The following JAZF1 variants were observed in gnomAD, a reference collection of about 807,000 sequenced individuals.
The protein encoded by JAZF1 is JAZF zinc finger 1.
JAZF1 carries 8 observed loss-of-function variants against 26.4 expected under a neutral mutation model. The observed-to-expected ratio is 0.30, with a 90% CI of 0.18 to 0.55. The LOEUF (loss-of-function observed/expected upper bound fraction) is 0.55, where lower values mean the gene tolerates loss of function less well. Among genes scored for constraint, JAZF1 ranks in the 20% least tolerant of loss-of-function variants. The pLI is 0.94. For synonymous variants in JAZF1, 126 were observed against 122.3 expected (o/e 1.03, Z -0.20); for missense variants, 199 against 322.0 (o/e 0.62, Z 2.92).
chr7:27,996,975 C>T (rs111760715), intron 1 of JAZF1, among the ~76,000 whole-genome samples: 1 of 152,112 alleles, frequency 6.6e-6, no homozygotes, highest in Non-Finnish European at 1.5e-5. Flanking sequence ...CAAAGCCCCA[C>T]TAAAATAGAA....
chr7:28,054,958 G>C (rs1783678960), intron 1 of JAZF1, among the ~76,000 whole-genome samples: 1 of 152,070 alleles, frequency 6.6e-6, no homozygotes, highest in Non-Finnish European at 1.5e-5. Flanking sequence ...TCTCAATATA[G>C]GTGCTGGCAA....
At chr7:27,902,642 G>A (rs1188534210) in intron 2 of JAZF1, among the ~76,000 whole-genome samples, 7 of 152,170 alleles carry the variant, frequency 4.6e-5, no homozygotes, top group African/African-American at 1.7e-4. Flanking sequence ...TGAGGATTAA[G>A]TAAGTTAATA....
At chr7:28,031,734 G>T (rs938531271) in intron 1 of JAZF1, among the ~76,000 whole-genome samples, 2 of 152,140 alleles carry the variant, frequency 1.3e-5, no homozygotes, top group Non-Finnish European at 2.9e-5. Flanking sequence ...CAGTCATGGG[G>T]GTTGGGGGAA....
At chr7:27,923,525 T>A (rs1026026563) in intron 2 of JAZF1, among the ~76,000 whole-genome samples, 1 of 152,202 alleles carries the variant, frequency 6.6e-6, no homozygotes, top group East Asian at 1.9e-4. Flanking sequence ...TATCTCCTAC[T>A]GGGAGGCTGT....
At chr7:27,891,644 T>G (rs554863875) in intron 3 of JAZF1, among the ~76,000 whole-genome samples, 35 of 152,010 alleles carry the variant, frequency 2.3e-4, no homozygotes, top group African/African-American at 8.2e-4. Flanking sequence ...CTGGGCAACA[T>G]AGCAAGACCT....
chr7:27,848,331 ATTTC>A (rs1223713437), intron 3 of JAZF1, among the ~76,000 whole-genome samples: 3 of 151,172 alleles, frequency 2.0e-5, no homozygotes, highest in Non-Finnish European at 1.5e-5. Flanking sequence ...TGTTGTCTTG[ATTTC>A]TTTTTCAGCT....
At chr7:28,019,272 T>A (rs138362053) in intron 1 of JAZF1, among the ~76,000 whole-genome samples, 1 of 152,282 alleles carries the variant, frequency 6.6e-6, no homozygotes, top group East Asian at 1.9e-4. Flanking sequence ...CCTGCCTTGC[T>A]TCCACCTGTC....
At chr7:27,956,312 G>A (rs1162832439) in intron 2 of JAZF1, among the ~76,000 whole-genome samples, 1 of 152,044 alleles carries the variant, frequency 6.6e-6, no homozygotes, top group East Asian at 1.9e-4. Context: ...TAAAACTGAG[G>A]GTCCGGACCT....
At chr7:27,857,503 G>T (rs1046183280) in intron 3 of JAZF1, among the ~76,000 whole-genome samples, 7 of 152,250 alleles carry the variant, frequency 4.6e-5, no homozygotes, top group Admixed American at 3.9e-4. Flanking sequence ...GCCAGAGTGG[G>T]CGCCAAGGCT....
chr7:28,147,005 C>T (rs949624142), intron 1 of JAZF1, among the ~76,000 whole-genome samples: 13 of 151,740 alleles, frequency 8.6e-5, no homozygotes, highest in Admixed American at 2.0e-4. Flanking sequence ...TACAGGCGCC[C>T]GCCACTACAC....
intron 1 of JAZF1, among the ~76,000 whole-genome samples, chr7:28,036,336 C>G (rs1436665890): frequency 6.6e-6 from 1 of 152,220 alleles, no homozygotes; most frequent in Non-Finnish European, 1.5e-5. Flanking sequence ...TAAAACCTAT[C>G]TGACTTCTAT....
intron 1 of JAZF1, among the ~76,000 whole-genome samples, chr7:28,171,878 T>C (rs780324131): frequency 4.6e-5 from 7 of 152,202 alleles, no homozygotes; most frequent in Admixed American, 1.3e-4. Context: ...GATTCCCGAA[T>C]TGGGAGCTCA....
At position 27,859,969 on chromosome 7, in the gene JAZF1, C is replaced by T. The variant is rs536772415; in HGVS notation, c.386-19102G>A. 1.1e-3 allele frequency among the ~76,000 whole-genome samples: 164 copies of T among 152,274 alleles called. 2 individuals carry two copies. The highest frequency in any genetic ancestry group is 4.2e-3 in the Admixed American group (64 of 15,302). On this transcript the variant is annotated intron_variant, in intron 3 of 4. Coordinates refer to ENST00000283928, the MANE Select transcript of JAZF1 (RefSeq NM_175061.4). Reference sequence around the variant, plus strand: ...AATGATGATGTGCAAAAGTGCTCAGCGAGCCTGCCACATCTGTTATTGCTG... The same window carrying T: ...AATGATGATGTGCAAAAGTGCTCAGTGAGCCTGCCACATCTGTTATTGCTG...
chr7:27,841,974 C>G (rs1170338722), intron 3 of JAZF1: 3 of 152,202 alleles, frequency 2.0e-5, no homozygotes, highest in African/African-American at 7.2e-5. Context: ...TGTGAGGCTA[C>G]ATTGCACCAG....
intron 2 of JAZF1, among the ~76,000 whole-genome samples, chr7:27,909,505 G>A (rs1784323591): frequency 6.6e-6 from 1 of 152,004 alleles, no homozygotes; most frequent in African/African-American, 2.4e-5. Flanking sequence ...TCGGGAGTTC[G>A]AGACCAGCCT....
At chr7:27,846,272 T>C (rs1363947697) in intron 3 of JAZF1, among the ~76,000 whole-genome samples, 1 of 152,134 alleles carries the variant, frequency 6.6e-6, no homozygotes, top group Non-Finnish European at 1.5e-5. Flanking sequence ...TTGTGGCAAA[T>C]AGTAGGATCT....
chr7:28,062,796 A>G (rs2128383053), intron 1 of JAZF1, among the ~76,000 whole-genome samples: 1 of 152,328 alleles, frequency 6.6e-6, no homozygotes, highest in East Asian at 1.9e-4. Flanking sequence ...ATCTTAGTTT[A>G]GTAATTCCTT....
intron 1 of JAZF1, among the ~76,000 whole-genome samples, chr7:28,164,321 C>A (rs1783333526): frequency 6.6e-6 from 1 of 152,226 alleles, no homozygotes; most frequent in African/African-American, 2.4e-5. Flanking sequence ...AGCTGATCAT[C>A]ATTTTAATTT....
intron 1 of JAZF1, among the ~76,000 whole-genome samples, chr7:28,098,731 G>A (rs1026696925): frequency 4.6e-5 from 7 of 152,192 alleles, no homozygotes; most frequent in Admixed American, 2.6e-4. Flanking sequence ...TAGTAATTAC[G>A]ATGGTAATGG....
Sources: gnomAD v4.1 joint callset for allele counts (sites outside exome capture counted in the v4.1 genomes callset) on GRCh38, gnomAD v4.1.1 for gene constraint, MANE v1.5 for transcripts, NCBI Gene and HGNC (gene_info 2026-07-23, HGNC 2026-07-21) for gene names.